UTRN: variants seen among roughly 807,000 people sequenced by gnomAD.
UTRN encodes dystrophin-related protein 1.
In UTRN, 283 loss-of-function variants were observed where a neutral mutation model predicts 463.9. That is an observed-to-expected ratio of 0.61 (90% confidence interval 0.55 to 0.67). The LOEUF (loss-of-function observed/expected upper bound fraction) is 0.67. Among genes scored for constraint, UTRN ranks in the 30% least tolerant of loss-of-function variants. UTRN has a pLI of 0.00. For missense variants in UTRN, 3,922 were observed against 4,084.3 expected, an observed-to-expected ratio of 0.96 and a Z score of 1.08; for synonymous variants, 1,442 against 1,431.5, an observed-to-expected ratio of 1.01 and a Z score of -0.17.
At chr6:144,445,030 A>G (rs1360488914) in intron 14 of UTRN, among the ~76,000 whole-genome samples, 3 of 152,162 alleles carry the variant, frequency 2.0e-5, no homozygotes, top group African/African-American at 7.2e-5. Flanking sequence ...TTTCTCCCCA[A>G]ATGCCAAACA....
chr6:144,613,874 G>T (rs558757515), intron 51 of UTRN, among the ~76,000 whole-genome samples: 10 of 151,890 alleles, frequency 6.6e-5, no homozygotes, highest in Middle Eastern at 3.4e-3. Flanking sequence ...ATATATACAC[G>T]CATTAAAATG....
At chr6:144,373,402 A>T (rs565878386) in intron 2 of UTRN, among the ~76,000 whole-genome samples, 1 of 152,352 alleles carries the variant, frequency 6.6e-6, no homozygotes, top group Non-Finnish European at 1.5e-5. Flanking sequence ...ATGCTAAGTG[A>T]AAGACGTCTG....
chr6:144,590,872 A>ACG (rs1170516392), intron 51 of UTRN, among the ~76,000 whole-genome samples: 2 of 123,658 alleles, frequency 1.6e-5, no homozygotes, highest in Non-Finnish European at 3.3e-5. Context: ...ACACACACAC[A>ACG]CACGCACATG....
At chr6:144,534,492 A>G (rs1797354670) in intron 43 of UTRN, among the ~76,000 whole-genome samples, 1 of 152,228 alleles carries the variant, frequency 6.6e-6, no homozygotes, top group Admixed American at 6.5e-5. Flanking sequence ...TGATATCACC[A>G]CAGAGGACTG....
rs1554339291 is a variant in UTRN at position 144,690,074 on chromosome 6, GTT to G, written c.7653-9992_7653-9991del. ...GGCCATAGAGCTCCCAAAAGTTTCTGTTTTTTTTTTTTTTTTTTTTTTGTGTG... is the reference window on the plus strand; with the variant it reads ...GGCCATAGAGCTCCCAAAAGTTTCTGTTTTTTTTTTTTTTTTTTTTGTGTG... On this transcript the variant is annotated intron_variant, in intron 52 of 74. Coordinates refer to ENST00000367545, the MANE Select transcript of UTRN (RefSeq NM_007124.3). Among the ~76,000 whole-genome samples, 271 of 31,200 alleles carry G rather than the reference GTT, an allele frequency of 8.7e-3. 5 individuals are homozygous for G. The highest frequency in any genetic ancestry group is 0.012 in the Non-Finnish European group (235 of 20,002). 20.5% of individuals were successfully genotyped at this position (31,200 alleles called of 152,430 possible). A position where few individuals can be genotyped will look rare whatever the true frequency, so the allele number is the denominator to read the frequency against.
Position 144,491,121 on chromosome 6 carries a change from T to G in UTRN, c.4437+19T>G. On this transcript the variant is annotated intron_variant, in intron 32 of 74. Transcript: ENST00000367545. ...GTGTATGGTGAGGCTTTTGGGTGAT[T>G]GGCACATCCAGTGGCTTTTTCAGCA... 1.3e-6 allele frequency: 2 copies of G among 1,579,584 alleles called. No individual in the cohort carries two copies. Among genetic ancestry groups the G allele is most frequent in the South Asian group, 2.3e-5 (2 of 86,144 alleles).
chr6:144,831,604 G>A (rs1780678673), intron 69 of UTRN, among the ~76,000 whole-genome samples: 1 of 152,170 alleles, frequency 6.6e-6, no homozygotes, highest in Non-Finnish European at 1.5e-5. Flanking sequence ...ACATGAGTAC[G>A]TTCGATTGAC....
chr6:144,316,543 G>A (rs1049343490), intron 2 of UTRN, among the ~76,000 whole-genome samples: 1 of 152,198 alleles, frequency 6.6e-6, no homozygotes, highest in African/African-American at 2.4e-5. Flanking sequence ...TTCACAGGAA[G>A]TATCTGGATA....
In UTRN at chr6:144,444,344, G is replaced by A. The variant is rs1787457395; in HGVS notation, c.1576G>A (p.Glu526Lys). Residue 526 changes from glutamate to lysine, a missense_variant, in exon 14 of 75, where the codon GAA (glutamate) becomes AAA (lysine). By Grantham distance (56) the Glu-to-Lys change is moderately conservative (BLOSUM62 1). This residue lies in a region of UTRN where 2,349 missense variants were observed against 2,303.8 expected (regional missense o/e 1.02). Coordinates refer to ENST00000367545, the MANE Select transcript of UTRN (RefSeq NM_007124.3). Reference sequence around the variant, plus strand: ...TGAAGAACGCTGGAATAGGTTACAAGAAATCAATATATTGTGGCAGGAATT... The same window carrying A: ...TGAAGAACGCTGGAATAGGTTACAAAAAATCAATATATTGTGGCAGGAATT... ...WTEERWNRLQ[E>K]INILWQELLE... 1 of 1,610,774 alleles carries A rather than the reference G, an allele frequency of 6.2e-7. No homozygotes were observed. The highest frequency in any genetic ancestry group is 8.5e-7 in the Non-Finnish European group (1 of 1,178,034).
At chr6:144,555,158 A>G (rs1799265903) in intron 49 of UTRN, among the ~76,000 whole-genome samples, 1 of 152,208 alleles carries the variant, frequency 6.6e-6, no homozygotes, top group African/African-American at 2.4e-5. Context: ...ATCAGCATCT[A>G]GAAAGAGAAC....
intron 71 of UTRN, among the ~76,000 whole-genome samples, chr6:144,837,563 C>G (rs557228059): frequency 1.3e-5 from 2 of 152,296 alleles, no homozygotes; most frequent in South Asian, 4.1e-4. Context: ...TTTTCTCTAG[C>G]CTGTGCTGTG....
chr6:144,695,938 T>C (rs1234927363), intron 52 of UTRN, among the ~76,000 whole-genome samples: 1 of 152,236 alleles, frequency 6.6e-6, no homozygotes, highest in Non-Finnish European at 1.5e-5. Flanking sequence ...AGCATAATGA[T>C]GTTTAATATA....
rs1382365641 is a variant in UTRN, at chr6:144,774,303, T to C, written c.8571T>C (p.Asn2857=). The C allele has an allele frequency of 1.2e-6, 2 of 1,604,094 alleles. No individual in the cohort carries two copies. Among genetic ancestry groups the C allele is most frequent in the South Asian group, 1.1e-5 (1 of 88,008 alleles). Reference sequence around the variant, plus strand: ...TTTCTATTTCAGCTGACCTGAATAATGTACGTTTTTCTGCCTACCGTACAG... The same window carrying C: ...TTTCTATTTCAGCTGACCTGAATAACGTACGTTTTTCTGCCTACCGTACAG... ...ELFQSLADLN[N]VRFSAYRTAI... Residue 2857 remains asparagine, a synonymous_variant, in exon 60 of 75, where the codon AAT becomes AAC. Transcript: ENST00000367545.
chr6:144,344,863 C>G (rs899390994), intron 2 of UTRN, among the ~76,000 whole-genome samples: 1 of 152,214 alleles, frequency 6.6e-6, no homozygotes, highest in African/African-American at 2.4e-5. Flanking sequence ...CATGCATATG[C>G]ATAACTTCAT....
At chr6:144,522,869 A>G (rs1796230429) in intron 40 of UTRN, 147 bp from the exon 41 acceptor site, 1 of 710,478 alleles carries the variant, frequency 1.4e-6, no homozygotes, top group African/African-American at 1.8e-5. Flanking sequence ...ATTTAAAAAA[A>G]AAAAGTTTTC....
intron 58 of UTRN, among the ~76,000 whole-genome samples, chr6:144,769,374 G>A (rs1349410120): frequency 1.3e-5 from 2 of 152,130 alleles, no homozygotes; most frequent in Non-Finnish European, 2.9e-5. Flanking sequence ...ACCAGAGGCT[G>A]TATTTATTTT....
chr6:144,601,559 G>T, intron 51 of UTRN, among the ~76,000 whole-genome samples: 1 of 152,166 alleles, frequency 6.6e-6, no homozygotes, highest in East Asian at 1.9e-4. Context: ...AACTTGAATT[G>T]TTGGAAAGTT....
rs751655613 is a variant in UTRN at position 144,827,355 on chromosome 6, A to C, written c.9502A>C (p.Thr3168Pro). Residue 3168 changes from threonine (T) to proline (P), a missense_variant, in exon 67 of 75, where the codon ACA (threonine) becomes CCA (proline). Thr to Pro is a conservative substitution (Grantham distance 38). Coordinates refer to ENST00000367545, the MANE Select transcript of UTRN (RefSeq NM_007124.3). ...CCTCTCCCCTCTTTGCAGTCCTATC[A>C]CACTCATCAGTATGTGGCCAGAGCA... is the stretch of plus-strand genomic sequence containing the variant. ...LEGDNLETPI[T>P]LISMWPEHYD... is the part of the protein sequence containing the mutation. The C allele has an allele frequency of 1.2e-6, 2 of 1,613,414 alleles. No individual in the cohort carries two copies. The highest frequency in any genetic ancestry group is 1.7e-6 in the Non-Finnish European group (2 of 1,179,592).
chr6:144,337,429 A>G (rs1776821710), intron 2 of UTRN, among the ~76,000 whole-genome samples: 1 of 152,150 alleles, frequency 6.6e-6, no homozygotes. Context: ...AAAGGTTATA[A>G]TTTAATCCTG....
Sources: allele counts gnomAD v4.1 joint callset (sites outside exome capture counted in the v4.1 genomes callset), GRCh38; gene constraint gnomAD v4.1.1; regional missense constraint gnomAD v4.1.1; transcripts MANE v1.5; gene names NCBI Gene and HGNC (gene_info 2026-07-23, HGNC 2026-07-21).